Variants in AHRR observed in about 807,000 individuals in gnomAD.
AHRR encodes ahR repressor.
In AHRR, 28 loss-of-function variants were observed where a neutral mutation model predicts 44.0. The observed-to-expected ratio is 0.64, with a 90% CI of 0.47 to 0.87. The LOEUF (loss-of-function observed/expected upper bound fraction) is 0.87. AHRR is among the 40% of genes least tolerant of loss of function. The probability of loss-of-function intolerance (pLI) is 0.00; values close to 1 mark genes in which losing one functional copy is unlikely to be tolerated. For missense variants in AHRR, 990 were observed against 953.9 expected, an observed-to-expected ratio of 1.04 and a Z score of -0.50; for synonymous variants, 434 against 407.0, an observed-to-expected ratio of 1.07 and a Z score of -0.80.
chr5:421,985 C>T (rs185417199), intron 5 of AHRR, among the ~76,000 whole-genome samples: 2 of 152,338 alleles, frequency 1.3e-5, no homozygotes, highest in African/African-American at 4.8e-5. Flanking sequence ...CAGTCCCTGG[C>T]ACGGTTAATT....
rs1229158195 is a variant in AHRR at position 404,554 on chromosome 5, C to CG, written c.352-8786dup. 1 of 281,202 alleles carries CG rather than the reference C, an allele frequency of 3.6e-6. No individual in the cohort carries two copies. The highest frequency in any genetic ancestry group is 2.2e-5 in the African/African-American group (1 of 44,786). 17.4% of individuals were successfully genotyped at this position (281,202 alleles called of 1,614,324 possible). On this transcript the variant is annotated intron_variant, in intron 4 of 10. Coordinates refer to ENST00000684583, the MANE Select transcript of AHRR (RefSeq NM_001377236.1). This position sits in a 1 kb window ranked among gnomAD's most constrained non-coding sequence, Gnocchi z 4.1. ...CAGAAAAAGAGCAGGCGTCCTGGGC[C>CG]GGGGCAGGCGATTGGTACTAAAATG...
chr5:346,165 C>G (rs1462994510), intron 2 of AHRR, among the ~76,000 whole-genome samples: 1 of 152,214 alleles, frequency 6.6e-6, no homozygotes, highest in Non-Finnish European at 1.5e-5. Context: ...GCAGTAGATA[C>G]GGATGCTGCA....
chr5:426,954 TGATGGATGGAAACATG>T (rs1158333494), intron 7 of AHRR, among the ~76,000 whole-genome samples: 2 of 127,456 alleles, frequency 1.6e-5, no homozygotes, highest in East Asian at 5.1e-4. Context: ...GATGGGAAGA[TGATGGATGGAAACATG>T]GATGGATGGA....
In AHRR at chr5:405,751, C is replaced by G. The variant is rs115576258; in HGVS notation, c.352-7593C>G. ...GGTCGTAACATCTTACTGCTCCCCT[C>G]GCAGACTGTTGAGTTGGTCTTTGAC... On this transcript the variant is annotated intron_variant, in intron 4 of 10. Transcript: ENST00000684583. This position sits in a 1 kb window ranked among gnomAD's most constrained non-coding sequence, Gnocchi z 4.5. 6.6e-6 allele frequency among the ~76,000 whole-genome samples: 1 copy of G among 152,358 alleles called. No individual in the cohort carries two copies. The highest frequency in any genetic ancestry group is 1.9e-4 in the East Asian group (1 of 5,188).
At chr5:376,521 A>T (rs1733668794) in intron 3 of AHRR, 89 bp from the exon 4 acceptor site, 5 of 1,388,272 alleles carry the variant, frequency 3.6e-6, no homozygotes, top group South Asian at 1.4e-5. Flanking sequence ...CGTGGGGTGA[A>T]CGCGGGGAAA....
intron 1 of AHRR, among the ~76,000 whole-genome samples, chr5:331,167 G>T (rs1339770552): frequency 6.6e-6 from 1 of 152,240 alleles, no homozygotes; most frequent in African/African-American, 2.4e-5. Context: ...GAGCCACTGC[G>T]CCTGGCCAGT....
intron 5 of AHRR, among the ~76,000 whole-genome samples, chr5:416,622 A>C (rs752007092): frequency 2.8e-4 from 42 of 152,008 alleles, no homozygotes; most frequent in Non-Finnish European, 4.1e-4. Context: ...CATCCTCTTC[A>C]TCTCCATCTT....
rs933050518 is a variant in AHRR, at chr5:435,001, A to G, written c.*167A>G. 1.8e-5 allele frequency: 18 copies of G among 1,017,528 alleles called. No individual in the cohort carries two copies. In the African/African-American group the frequency reaches 2.6e-4, roughly 15 times the overall value. The allele number at this position is 1,017,528 out of a possible 1,614,324, so 63.0% of individuals were successfully genotyped here. ...GTGTGTGCAGCATACGCAGGAGCCT[A>G]TCCTGAATTTTGTAAAATATCCCAA... On this transcript the variant is annotated 3_prime_UTR_variant, in exon 11 of 11. Transcript: ENST00000684583.
Position 436,762 on chromosome 5 carries a change from C to G in AHRR, c.*1928C>G, listed in dbSNP as rs1004717583. The G allele has an allele frequency of 2.0e-5, 3 of 152,472 alleles. No homozygotes were observed. Among genetic ancestry groups the G allele is most frequent in the Admixed American group, 2.0e-4 (3 of 15,292 alleles). 9.4% of individuals were successfully genotyped at this position (152,472 alleles called of 1,614,324 possible). A position where few individuals can be genotyped will look rare whatever the true frequency, so the allele number is the denominator to read the frequency against. The stretch of plus-strand genomic sequence containing the variant: ...CTGATGCCTAAAGTCACGATGGGGA[C>G]AGAGCTACCCAGGGGCCAGCCATGG... On this transcript the variant is annotated 3_prime_UTR_variant, in exon 11 of 11. Transcript: ENST00000684583.
intron 1 of AHRR, among the ~76,000 whole-genome samples, chr5:331,844 A>T (rs1457651417): frequency 6.6e-6 from 1 of 152,222 alleles, no homozygotes; most frequent in East Asian, 1.9e-4. Context: ...ATAATCTGAG[A>T]TGGAACAGTT....
At chr5:372,154 C>T (rs1038924160) in intron 3 of AHRR, among the ~76,000 whole-genome samples, 1 of 152,242 alleles carries the variant, frequency 6.6e-6, no homozygotes, top group Non-Finnish European at 1.5e-5. Context: ...CAGCACACAG[C>T]CCCTCAGTGC....
intron 4 of AHRR, among the ~76,000 whole-genome samples, chr5:394,870 C>A (rs990396602): frequency 6.6e-6 from 1 of 152,154 alleles, no homozygotes; most frequent in African/African-American, 2.4e-5. Context: ...GCACTTTTGC[C>A]CCGAGTCCTC....
rs139907331 is a variant in AHRR, at chr5:385,147, G to A, written c.351+8431G>A. On this transcript the variant is annotated intron_variant, in intron 4 of 10. Coordinates refer to ENST00000684583, the MANE Select transcript of AHRR (RefSeq NM_001377236.1). ...CTCTTTAGCACTTCTTATGGTGCAGGTCTGCTGGTGATGTGTCTTTTATTT... is the reference window on the plus strand; with the variant it reads ...CTCTTTAGCACTTCTTATGGTGCAGATCTGCTGGTGATGTGTCTTTTATTT... Among the ~76,000 whole-genome samples, 1,048 of 152,104 alleles carry A rather than the reference G, an allele frequency of 6.9e-3. 11 individuals are homozygous for A. Among genetic ancestry groups the A allele is most frequent in the African/African-American group, 0.02 (840 of 41,478 alleles).
intron 4 of AHRR, among the ~76,000 whole-genome samples, chr5:391,033 A>G (rs1432833091): frequency 7.7e-6 from 1 of 130,472 alleles, no homozygotes; most frequent in African/African-American, 2.9e-5. Context: ...ACTACCACCC[A>G]GGCAGAACAT....
intron 4 of AHRR, among the ~76,000 whole-genome samples, chr5:399,311 T>G (rs1734910424): frequency 6.6e-6 from 1 of 152,252 alleles, no homozygotes; most frequent in South Asian, 2.1e-4. Context: ...GGAGGGAGAT[T>G]CACTGTGGTA....
intron 4 of AHRR, among the ~76,000 whole-genome samples, chr5:401,651 A>G (rs1271641507): frequency 6.6e-6 from 1 of 152,182 alleles, no homozygotes; most frequent in Non-Finnish European, 1.5e-5. Context: ...TCCTGGCACC[A>G]TCGTTCCACA....
rs1168933581 is a variant in AHRR at position 404,311 on chromosome 5, C to A, written c.352-9033C>A. On this transcript the variant is annotated intron_variant, in intron 4 of 10. Transcript: ENST00000684583. The surrounding 1 kb of genome is among the most constrained non-coding windows in gnomAD (Gnocchi z 4.1). ...TGTGAATAATTCGCTAATTTTTCTT[C>A]CAGTGTTACTAAAAGCTGTTTCACT... is the stretch of plus-strand genomic sequence containing the variant. 4 of 487,994 alleles carry A rather than the reference C, an allele frequency of 8.2e-6. No homozygotes were observed. The highest frequency in any genetic ancestry group is 1.6e-5 in the Non-Finnish European group (4 of 245,862). 30.2% of individuals were successfully genotyped at this position (487,994 alleles called of 1,614,324 possible).
intron 4 of AHRR, among the ~76,000 whole-genome samples, 184 bp downstream of exon 4, chr5:376,900 G>C (rs146997329): frequency 6.6e-6 from 1 of 152,182 alleles, no homozygotes; most frequent in Non-Finnish European, 1.5e-5. Context: ...GTGTCCCTGG[G>C]TCGGGGTCAG....
In AHRR at chr5:338,079, G is replaced by A. The variant is rs985199038; in HGVS notation, c.-10-5814G>A. 7.2e-5 allele frequency among the ~76,000 whole-genome samples: 11 copies of A among 152,158 alleles called. No homozygotes were observed. The highest frequency in any genetic ancestry group is 1.2e-4 in the African/African-American group (5 of 41,416). ...TCTGAGTACTGTCACCTCACTTTGC[G>A]AATACATGTCTCCCCTCCCGGGTCT... On this transcript the variant is annotated intron_variant, in intron 1 of 10. Transcript: ENST00000684583. The surrounding 1 kb of genome is among the most constrained non-coding windows in gnomAD (Gnocchi z 4.1).
Sources: allele counts gnomAD v4.1 joint callset (sites outside exome capture counted in the v4.1 genomes callset), GRCh38; gene constraint gnomAD v4.1.1; non-coding constraint Gnocchi (gnomAD v3.1); transcripts MANE v1.5; gene names NCBI Gene and HGNC (gene_info 2026-07-23, HGNC 2026-07-21).